Variants in TNS1 observed in about 807,000 individuals in gnomAD.
The protein encoded by TNS1 is tensin-1.
Under a neutral mutation model 168.6 loss-of-function variants are expected in TNS1, and 62 were observed. The observed-to-expected ratio is 0.37, with a 90% CI of 0.30 to 0.45. The LOEUF (loss-of-function observed/expected upper bound fraction) is 0.45. TNS1 is among the 20% of genes least tolerant of loss of function. The probability of loss-of-function intolerance (pLI) is 1.00; values close to 1 mark genes in which losing one functional copy is unlikely to be tolerated. For synonymous variants in TNS1, 934 were observed against 933.2 expected (o/e 1.00, Z -0.02); for missense variants, 2,240 against 2,339.4 (o/e 0.96, Z 0.88).
At chr2:217,865,027 G>A (rs1301118451) in intron 18 of TNS1, among the ~76,000 whole-genome samples, 2 of 152,112 alleles carry the variant, frequency 1.3e-5, no homozygotes, top group African/African-American at 4.8e-5. Context: ...GGGTCCATGT[G>A]CTTCCATGCA....
Position 217,804,262 on chromosome 2 carries a change from CTCTCTCT to C in TNS1, c.*190_*196del. ...AAGTTCTTCTCCTCCATCTTTCTCT[CTCTCTCT>C]CTCTCTCTCTCTCTCTCTCTTTTCC... is the stretch of plus-strand genomic sequence containing the variant. On this transcript the variant is annotated 3_prime_UTR_variant, in exon 33 of 33. Coordinates refer to ENST00000682258, the MANE Select transcript of TNS1 (RefSeq NM_001387777.1). 5.7e-6 allele frequency: 3 copies of C among 528,412 alleles called. No homozygotes were observed. The highest frequency in any genetic ancestry group is 3.6e-5 in the Admixed American group (1 of 27,738). The allele number at this position is 528,412 out of a possible 1,614,324, so 32.7% of individuals were successfully genotyped here. A position where few individuals can be genotyped will look rare whatever the true frequency, so the allele number is the denominator to read the frequency against.
intron 3 of TNS1, among the ~76,000 whole-genome samples, chr2:217,960,103 G>A (rs987958178): frequency 2.6e-5 from 4 of 152,062 alleles, no homozygotes; most frequent in African/African-American, 9.7e-5. Flanking sequence ...GGGGTCCTAG[G>A]AGACTCCACC....
intron 25 of TNS1, 36 bp downstream of exon 25, chr2:217,814,876 T>C (rs2059408): frequency 0.18 from 283,758 of 1,575,424 alleles, 27,514 homozygotes; most frequent in East Asian, 0.37. Context: ...CTCAGCCAGC[T>C]ATGGCCTCTG....
At chr2:217,842,243 C>T in intron 19 of TNS1, 2 of 607,560 alleles carry the variant, frequency 3.3e-6, no homozygotes, top group South Asian at 4.0e-5. Context: ...TCCCATATCT[C>T]TAAGTTCCAG....
At chr2:217,910,394 A>T (rs1360900728) in intron 4 of TNS1, among the ~76,000 whole-genome samples, 4 of 152,048 alleles carry the variant, frequency 2.6e-5, no homozygotes, top group Non-Finnish European at 5.9e-5. Context: ...CACAGCCAGC[A>T]TGCATGCTGC....
At chr2:217,873,662 G>C (rs910140297) in intron 18 of TNS1, among the ~76,000 whole-genome samples, 4 of 152,142 alleles carry the variant, frequency 2.6e-5, no homozygotes, top group African/African-American at 9.7e-5. Flanking sequence ...AGGATGACTG[G>C]GCTGAGGAAG....
At chr2:218,016,199 C>T (rs1958758439) in intron 1 of TNS1, among the ~76,000 whole-genome samples, 1 of 152,174 alleles carries the variant, frequency 6.6e-6, no homozygotes, top group Non-Finnish European at 1.5e-5. Flanking sequence ...CAGTCTGCTC[C>T]TGAACTGGAC....
At chr2:217,928,823 T>C (rs1278174675) in intron 3 of TNS1, among the ~76,000 whole-genome samples, 2 of 151,644 alleles carry the variant, frequency 1.3e-5, no homozygotes, top group Admixed American at 6.6e-5. Flanking sequence ...CCAGCCCCAC[T>C]CACTGACCCC....
At chr2:217,893,638 A>G in intron 9 of TNS1, 77 bp from the exon 10 acceptor site, 1 of 1,517,276 alleles carries the variant, frequency 6.6e-7, no homozygotes, top group Non-Finnish European at 8.8e-7. Flanking sequence ...CACCTACGCC[A>G]CGTGCCAGTA....
intron 2 of TNS1, among the ~76,000 whole-genome samples, chr2:217,990,426 C>T (rs1322658616): frequency 6.8e-6 from 1 of 147,922 alleles, no homozygotes; most frequent in East Asian, 2.1e-4. Context: ...TGACCACAAC[C>T]TCCACATGCC....
intron 18 of TNS1, chr2:217,879,250 G>T (rs1205130128): frequency 9.9e-6 from 3 of 302,624 alleles, no homozygotes; most frequent in South Asian, 2.4e-5. Flanking sequence ...ATTTATCATC[G>T]CATTGACCAT....
chr2:217,800,569 G>T lies in TNS1; in HGVS notation c.*3890C>A, dbSNP rs768888016. On this transcript the variant is annotated 3_prime_UTR_variant, in exon 33 of 33. Transcript: ENST00000682258. Reference sequence around the variant, plus strand: ...CACATACATCCACACTTGCACATGCGCACACACGTCCTGTGTTACCACTGG... The same window carrying T: ...CACATACATCCACACTTGCACATGCTCACACACGTCCTGTGTTACCACTGG... 3 of 152,236 alleles carry T rather than the reference G, an allele frequency of 2.0e-5. No individual in the cohort carries two copies. Among genetic ancestry groups the T allele is most frequent in the African/African-American group, 7.2e-5 (3 of 41,418 alleles). The allele number at this position is 152,236 out of a possible 1,614,324, so 9.4% of individuals were successfully genotyped here. A position where few individuals can be genotyped will look rare whatever the true frequency, so the allele number is the denominator to read the frequency against.
chr2:217,926,266 T>C (rs535593229), intron 3 of TNS1, among the ~76,000 whole-genome samples: 92 of 152,348 alleles, frequency 6.0e-4, no homozygotes, highest in African/African-American at 2.1e-3. Flanking sequence ...ACCCGGCGTA[T>C]GGTATTTTGT....
At position 217,890,946 on chromosome 2, in the gene TNS1, AG is replaced by A; in HGVS notation, c.866+15del. The A allele has an allele frequency of 5.0e-6, 8 of 1,613,322 alleles. No individual in the cohort carries two copies. The highest frequency in any genetic ancestry group is 6.8e-6 in the Non-Finnish European group (8 of 1,179,256). On this transcript the variant is annotated intron_variant, in intron 12 of 32. Transcript: ENST00000682258. Reference sequence around the variant, plus strand: ...GCACACATACATGCAAGGGGCTGTGAGCCCCAGAGACCCACCTTCTTTGGGA... The same window carrying A: ...GCACACATACATGCAAGGGGCTGTGACCCCAGAGACCCACCTTCTTTGGGA...
intron 10 of TNS1, 57 bp from the exon 11 acceptor site, chr2:217,893,069 GAGCTTATCTA>G: frequency 6.2e-7 from 1 of 1,601,442 alleles, no homozygotes. Flanking sequence ...TGCTGCCCCA[GAGCTTATCTA>G]GAAGCCTTGG....
intron 22 of TNS1, among the ~76,000 whole-genome samples, chr2:217,827,601 G>A (rs777072638): frequency 6.6e-6 from 1 of 152,194 alleles, no homozygotes; most frequent in Non-Finnish European, 1.5e-5. Context: ...ACTTTGAAAT[G>A]GCCACTTGAG....
Position 217,847,795 on chromosome 2 carries a change from A to G in TNS1, c.2722T>C (p.Ser908Pro), listed in dbSNP as rs948650811. The change falls in exon 19 of 33, where the codon TCT becomes CCT. Residue 908 changes from serine to proline, a missense_variant. Physicochemically the swap from Ser to Pro is moderately conservative, Grantham distance 74. This residue lies in a region of TNS1 where 2,131 missense variants were observed against 2,171.2 expected (regional missense o/e 0.98). Coordinates refer to ENST00000682258, the MANE Select transcript of TNS1 (RefSeq NM_001387777.1). ...LGTPEPAPRA[S>P]LESVPPGRSY... ...CTGCCAGGAGGGACAGACTCCAGAG[A>G]GGCCCGTGGGGCTGGCTCAGGGGTT... 1 of 1,603,870 alleles carries G rather than the reference A, an allele frequency of 6.2e-7. No individual in the cohort carries two copies. The highest frequency in any genetic ancestry group is 8.5e-7 in the Non-Finnish European group (1 of 1,171,638).
intron 22 of TNS1, among the ~76,000 whole-genome samples, chr2:217,828,958 G>A (rs34921764): frequency 0.018 from 2,728 of 152,290 alleles, 98 homozygotes; most frequent in African/African-American, 0.062. Flanking sequence ...CCCCCCAGGG[G>A]ACACTGGCAA....
chr2:217,891,150 A>G, intron 11 of TNS1, 105 bp from the exon 12 acceptor site: 1 of 1,062,950 alleles, frequency 9.4e-7, no homozygotes, highest in African/African-American at 1.6e-5. Context: ...CTGGCCAAAG[A>G]GCACCTTTGT....
Sources: allele counts gnomAD v4.1 joint callset (sites outside exome capture counted in the v4.1 genomes callset), GRCh38; gene constraint gnomAD v4.1.1; regional missense constraint gnomAD v4.1.1; transcripts MANE v1.5; gene names NCBI Gene and HGNC (gene_info 2026-07-23, HGNC 2026-07-21).